The following GEN1 variants were observed in gnomAD, a reference collection of about 807,000 sequenced individuals.
GEN1 encodes flap endonuclease GEN homolog 1.
Under a neutral mutation model 67.6 loss-of-function variants are expected in GEN1, and 64 were observed. The ratio of observed to expected loss-of-function variants is 0.95; its 90% CI spans 0.77 to 1.17. GEN1 has a LOEUF of 1.17. Ranked by LOEUF, GEN1 falls within the 50% of genes most tolerant of loss-of-function variation. The probability of loss-of-function intolerance (pLI) is 0.00; values close to 1 mark genes in which losing one functional copy is unlikely to be tolerated. For missense variants in GEN1, 1,058 were observed against 1,048.3 expected (o/e 1.01, Z -0.13); for synonymous variants, 371 against 359.4 (o/e 1.03, Z -0.37).
rs1249230862 is a variant in GEN1, at chr2:17,787,326, A to G, written c.*5387A>G. On this transcript the variant is annotated 3_prime_UTR_variant, in exon 14 of 14. Transcript: ENST00000381254. ...CTCTATCTCTCCCTCAGATAAGACT[A>G]AGATCTCTGAGCACAGGAATCAAGT... 1 of 152,180 alleles carries G rather than the reference A, an allele frequency of 6.6e-6. No individual in the cohort carries two copies. Among genetic ancestry groups the G allele is most frequent in the Non-Finnish European group, 1.5e-5 (1 of 68,038 alleles). The allele number at this position is 152,180 out of a possible 1,614,324, so 9.4% of individuals were successfully genotyped here.
intron 9 of GEN1, 21 bp downstream of exon 9, chr2:17,773,153 T>G: frequency 6.4e-7 from 1 of 1,570,714 alleles, no homozygotes; most frequent in Non-Finnish European, 8.7e-7. Context: ...GTAATTCAAC[T>G]CTATTAATTT....
At chr2:17,759,024 C>T (rs1056394502) in intron 1 of GEN1, among the ~76,000 whole-genome samples, 3 of 152,182 alleles carry the variant, frequency 2.0e-5, no homozygotes, top group African/African-American at 7.2e-5. Context: ...GTTAAAGGTA[C>T]AGACAATACA....
chr2:17,769,519 T>A (rs943226976), intron 6 of GEN1, among the ~76,000 whole-genome samples: 1 of 152,240 alleles, frequency 6.6e-6, no homozygotes, highest in African/African-American at 2.4e-5. Context: ...AAACATGACA[T>A]TAAAATAATT....
chr2:17,777,607 T>C (rs550639228), intron 11 of GEN1, among the ~76,000 whole-genome samples: 1 of 152,258 alleles, frequency 6.6e-6, no homozygotes, highest in East Asian at 1.9e-4. Context: ...TTATATTGGA[T>C]AAGTAAATAA....
rs79791734 is a variant in GEN1, at chr2:17,778,360, A to G, written c.1264+297A>G. ...TGTATACACACACATGTGTGTACAT[A>G]TATGTATATACACACACATATATGT... On this transcript the variant is annotated intron_variant, in intron 12 of 13. Transcript: ENST00000381254. Among the ~76,000 whole-genome samples, 1,240 of 48,722 alleles carry G rather than the reference A, an allele frequency of 0.025. 376 individuals are homozygous for G. The East Asian group carries it at 0.26, about 10-fold the overall frequency. 32.0% of individuals were successfully genotyped at this position (48,722 alleles called of 152,430 possible). A position where few individuals can be genotyped will look rare whatever the true frequency, so the allele number is the denominator to read the frequency against.
In GEN1 at chr2:17,778,345, CACATGTGTGT is replaced by C. The variant is rs1672621627; in HGVS notation, c.1264+287_1264+296del. ...ACACGTGTACATATATGTATACACA[CACATGTGTGT>C]ACATATATGTATATACACACACATA... On this transcript the variant is annotated intron_variant, in intron 12 of 13. Transcript: ENST00000381254. Among the ~76,000 whole-genome samples, 17 of 42,386 alleles carry C rather than the reference CACATGTGTGT, an allele frequency of 4.0e-4. 3 individuals carry two copies. The highest frequency in any genetic ancestry group is 0.015 in the Middle Eastern group (1 of 66). The allele number at this position is 42,386 out of a possible 152,430, so 27.8% of individuals were successfully genotyped here.
intron 10 of GEN1, 63 bp downstream of exon 10, chr2:17,773,362 A>T: frequency 1.0e-6 from 1 of 969,180 alleles, no homozygotes; most frequent in Non-Finnish European, 1.6e-6. Context: ...AGGAACAGAT[A>T]TTCACTCTGA....
intron 1 of GEN1, among the ~76,000 whole-genome samples, chr2:17,758,309 G>A (rs1671515579): frequency 6.6e-6 from 1 of 152,172 alleles, no homozygotes; most frequent in South Asian, 2.1e-4. Context: ...CAAAGGAATT[G>A]CATAATTGTC....
Position 17,781,560 on chromosome 2 carries a change from T to G in GEN1, c.2348T>G (p.Met783Arg), listed in dbSNP as rs1010441261. The G allele has an allele frequency of 5.6e-6, 9 of 1,613,826 alleles. No individual in the cohort carries two copies. In the African/African-American group the frequency reaches 9.3e-5, roughly 17 times the overall value. The stretch of plus-strand genomic sequence containing the variant: ...TTAGATCATAGTAGAAAAGTTGATA[T>G]GCAAACCACTCGGAAAATTTTAATG... ...TALDHSRKVD[M>R]QTTRKILMKK... Residue 783 changes from methionine (M) to arginine (R), a missense_variant, in exon 14 of 14, where the codon ATG becomes AGG. By Grantham distance (91) the Met-to-Arg change is moderately conservative. Transcript: ENST00000381254.
chr2:17,788,577 T>A lies in GEN1; in HGVS notation c.*6638T>A, dbSNP rs1179860966. 2 of 152,230 alleles carry A rather than the reference T, an allele frequency of 1.3e-5. No individual in the cohort carries two copies. Among genetic ancestry groups the A allele is most frequent in the African/African-American group, 4.8e-5 (2 of 41,468 alleles). 9.4% of individuals were successfully genotyped at this position (152,230 alleles called of 1,614,324 possible). A position where few individuals can be genotyped will look rare whatever the true frequency, so the allele number is the denominator to read the frequency against. ...TTAAGTGTCTGAGCTTCCTTAGCAT[T>A]ATTCTATTCCAAGACCCAAAAAGGA... On this transcript the variant is annotated 3_prime_UTR_variant, in exon 14 of 14. Transcript: ENST00000381254.
In GEN1 at chr2:17,772,718, G is replaced by C. The variant is rs752560981; in HGVS notation, c.887G>C (p.Cys296Ser). The change falls in exon 8 of 14, where the codon TGT becomes TCT. Residue 296 changes from cysteine (C) to serine (S), a missense_variant. Cys to Ser is a moderately radical substitution (Grantham distance 112). Transcript: ENST00000381254. Reference sequence around the variant, plus strand: ...GAGCCACATGACTATGAATACTGCTGTCCTTGTGAGTGGCACCGTACAGAA... The same window carrying C: ...GAGCCACATGACTATGAATACTGCTCTCCTTGTGAGTGGCACCGTACAGAA... ...YCEPHDYEYC[C>S]PCEWHRTEHD... The C allele has an allele frequency of 1.5e-5, 24 of 1,611,752 alleles. No homozygotes were observed. The highest frequency in any genetic ancestry group is 2.0e-5 in the Non-Finnish European group (23 of 1,178,376).
chr2:17,768,949 A>G (rs1028381438), intron 6 of GEN1, 138 bp downstream of exon 6: 9 of 491,824 alleles, frequency 1.8e-5, no homozygotes, highest in Non-Finnish European at 3.3e-5. Flanking sequence ...TTGATTTAAG[A>G]TAATTTATTT....
In GEN1 at chr2:17,784,920, C is replaced by T. The variant is rs145091879; in HGVS notation, c.*2981C>T. On this transcript the variant is annotated 3_prime_UTR_variant, in exon 14 of 14. Coordinates refer to ENST00000381254, the MANE Select transcript of GEN1 (RefSeq NM_001130009.3). ...CCAACCCCTGGGCTATGGACAGGTACCAGTCCATCACCTGTCAGGAACCGG... is the reference window on the plus strand; with the variant it reads ...CCAACCCCTGGGCTATGGACAGGTATCAGTCCATCACCTGTCAGGAACCGG... The T allele has an allele frequency of 2.5e-4, 38 of 152,258 alleles. No homozygotes were observed. The highest frequency in any genetic ancestry group is 9.2e-4 in the African/African-American group (38 of 41,530). The allele number at this position is 152,258 out of a possible 1,614,324, so 9.4% of individuals were successfully genotyped here.
chr2:17,784,702 A>T lies in GEN1; in HGVS notation c.*2763A>T, dbSNP rs1672996581. The T allele has an allele frequency of 6.6e-6, 1 of 152,228 alleles. No homozygotes were observed. The allele number at this position is 152,228 out of a possible 1,614,324, so 9.4% of individuals were successfully genotyped here. On this transcript the variant is annotated 3_prime_UTR_variant, in exon 14 of 14. Transcript: ENST00000381254. ...ATGTTTTGAATATTCAGAGAGAAAA[A>T]AGTCGTTGCTAAAACATTTTCCAAG...
intron 11 of GEN1, among the ~76,000 whole-genome samples, chr2:17,777,489 G>GA (rs1225047170): frequency 6.6e-6 from 1 of 152,028 alleles, no homozygotes; most frequent in Non-Finnish European, 1.5e-5. Context: ...AAGTAACAAA[G>GA]AAAAAGCTGG....
At chr2:17,766,433 G>A (rs1671936242) in intron 4 of GEN1, 146 bp from the exon 5 acceptor site, 2 of 533,312 alleles carry the variant, frequency 3.8e-6, no homozygotes, top group South Asian at 2.8e-5. Context: ...GCCTCTCAGA[G>A]TGCTGGGATT....
chr2:17,778,416 G>A (rs1471322097), intron 12 of GEN1, among the ~76,000 whole-genome samples: 2 of 37,410 alleles, frequency 5.3e-5, no homozygotes, highest in African/African-American at 1.1e-4. Flanking sequence ...ACACATATAT[G>A]TGTGTACATA....
chr2:17,785,034 A>C lies in GEN1; in HGVS notation c.*3095A>C, dbSNP rs897937340. On this transcript the variant is annotated 3_prime_UTR_variant, in exon 14 of 14. Transcript: ENST00000381254. ...AGATCAGCGGTGGCATTAGAGTCTC[A>C]TAGGAGCATGAACCCTATTGTGAAC... The C allele has an allele frequency of 5.6e-4, 85 of 152,372 alleles. No individual in the cohort carries two copies. Among genetic ancestry groups the C allele is most frequent in the African/African-American group, 1.9e-3 (80 of 41,574 alleles). 9.4% of individuals were successfully genotyped at this position (152,372 alleles called of 1,614,324 possible). A position where few individuals can be genotyped will look rare whatever the true frequency, so the allele number is the denominator to read the frequency against.
chr2:17,776,912 G>A (rs1436538913), intron 11 of GEN1, among the ~76,000 whole-genome samples: 1 of 152,146 alleles, frequency 6.6e-6, no homozygotes, highest in East Asian at 1.9e-4. Flanking sequence ...ATCAGTTGAG[G>A]CCAGGGATTC....
Sources: allele counts gnomAD v4.1 joint callset (sites outside exome capture counted in the v4.1 genomes callset), GRCh38; gene constraint gnomAD v4.1.1; transcripts MANE v1.5; gene names NCBI Gene and HGNC (gene_info 2026-07-23, HGNC 2026-07-21).